The following MUC4 variants were observed in gnomAD, a reference collection of about 807,000 sequenced individuals.
MUC4 encodes the protein mucin 4, cell surface associated.
MUC4 carries 202 observed loss-of-function variants against 257.9 expected under a neutral mutation model. That is an observed-to-expected ratio of 0.78 (90% CI 0.70 to 0.88). The LOEUF (loss-of-function observed/expected upper bound fraction) is 0.88, where lower values mean the gene tolerates loss of function less well. Ranked by LOEUF, MUC4 falls within the 40% of genes least tolerant of loss-of-function variation. The probability of loss-of-function intolerance (pLI) is 0.00; values close to 1 mark genes in which losing one functional copy is unlikely to be tolerated. For synonymous variants in MUC4, 2,351 were observed against 2,757.1 expected (o/e 0.85, Z 4.62); for missense variants, 5,976 against 6,513.7 (o/e 0.92, Z 2.84).
rs562617592 is a variant in MUC4, at chr3:195,785,540, C to T, written c.6040G>A (p.Ala2014Thr). 6.7e-7 allele frequency: 1 copy of T among 1,503,134 alleles called. No individual in the cohort carries two copies. The highest frequency in any genetic ancestry group is 8.9e-7 in the Non-Finnish European group (1 of 1,125,474). The allele number at this position is 1,503,134 out of a possible 1,614,324, so 93.1% of individuals were successfully genotyped here. A position where few individuals can be genotyped will look rare whatever the true frequency, so the allele number is the denominator to read the frequency against. Residue 2014 changes from alanine to threonine, a missense_variant, in exon 2 of 25, where the codon GCC becomes ACC. This residue lies in a region of MUC4 where 51 missense variants were observed against 45.1 expected (regional missense o/e 1.13). Transcript: ENST00000463781. ...AGGCTGGTGACAGGAAGAGGGGTGGCCTGTCCTGTAGATACTGAGGAAGTG... is the reference window on the plus strand; with the variant it reads ...AGGCTGGTGACAGGAAGAGGGGTGGTCTGTCCTGTAGATACTGAGGAAGTG... ...TDTSSVSTGQATPLPVTSLSS... is the reference protein window; with the variant it reads ...TDTSSVSTGQTTPLPVTSLSS...
At chr3:195,793,604 A>T (rs984565435) in intron 1 of MUC4, among the ~76,000 whole-genome samples, 1 of 152,184 alleles carries the variant, frequency 6.6e-6, no homozygotes, top group Admixed American at 6.5e-5. Flanking sequence ...ATCGCCTAGA[A>T]AAAGCACAGT....
rs779425004 is a variant in MUC4 at position 195,763,540 on chromosome 3, A to C, written c.14146T>G (p.Ser4716Ala). Residue 4716 changes from serine (S) to alanine (A), a missense_variant, in exon 12 of 25, where the codon TCC (serine) becomes GCC (alanine). Ser to Ala is a moderately conservative substitution (Grantham distance 99). This residue lies in a region of MUC4 where 996 missense variants were observed against 1,137.3 expected (regional missense o/e 0.88). Transcript: ENST00000463781. ...GTGCGGCCCTGAAGCAGGAAGGAGGAGTTCCCGTCTTGGGCCCCGACCAGC... is the reference window on the plus strand; with the variant it reads ...GTGCGGCCCTGAAGCAGGAAGGAGGCGTTCCCGTCTTGGGCCCCGACCAGC... Reference protein sequence around the residue: ...FLLVGAQDGNSSFLLQGRTAQ... With the variant: ...FLLVGAQDGNASFLLQGRTAQ... 47 of 1,585,072 alleles carry C rather than the reference A, an allele frequency of 3.0e-5. No homozygotes were observed. The highest frequency in any genetic ancestry group is 1.7e-4 in the Middle Eastern group (1 of 6,038).
chr3:195,770,227 A>G lies in MUC4; in HGVS notation c.13387T>C (p.Trp4463Arg). ...WVNAHAYPAQ[W>R]TLGSNTYQAI... The stretch of plus-strand genomic sequence containing the variant: ...AGGGGTCTACTCACCCCGAGGGTCC[A>G]CTGGGCAGGATAGGCGTGGGCATTG... The change falls in exon 6 of 25, where the codon TGG (tryptophan) becomes CGG (arginine). Residue 4463 changes from tryptophan to arginine, a missense_variant. By Grantham distance (101) the Trp-to-Arg change is moderately radical. Around this residue, in one of 44 missense-constraint regions of MUC4, gnomAD observed 996 missense variants for 1,137.3 expected, o/e 0.88. Coordinates refer to ENST00000463781, the MANE Select transcript of MUC4 (RefSeq NM_018406.7). 1 of 1,609,060 alleles carries G rather than the reference A, an allele frequency of 6.2e-7. No homozygotes were observed. The highest frequency in any genetic ancestry group is 8.5e-7 in the Non-Finnish European group (1 of 1,178,136).
At chr3:195,799,107 C>T (rs1250869308) in intron 1 of MUC4, among the ~76,000 whole-genome samples, 1 of 152,152 alleles carries the variant, frequency 6.6e-6, no homozygotes, top group East Asian at 1.9e-4. Flanking sequence ...CCACCATACC[C>T]ACCTCTCTGT....
At position 195,791,085 on chromosome 3, in the gene MUC4, C is replaced by T. The variant is rs369238351; in HGVS notation, c.495G>A (p.Val165=). ...STAGTESSTP[V]TSAVSITAGQ... Reference sequence around the variant, plus strand: ...CAGCTGTTATTGAGACTGCTGAGGTCACTGGGGTAGAACTTTCAGTTCCTG... The same window carrying T: ...CAGCTGTTATTGAGACTGCTGAGGTTACTGGGGTAGAACTTTCAGTTCCTG... Residue 165 remains valine, a synonymous_variant, in exon 2 of 25, where the codon GTG becomes GTA. Transcript: ENST00000463781. The T allele has an allele frequency of 3.1e-6, 5 of 1,613,202 alleles. No individual in the cohort carries two copies. The highest frequency in any genetic ancestry group is 3.4e-6 in the Non-Finnish European group (4 of 1,179,806).
At position 195,762,138 on chromosome 3, in the gene MUC4, C is replaced by A. The variant is rs2246901; in HGVS notation, c.14461G>T (p.Ala4821Ser). ...TACTCGGGCGGGAGGCTGGCGGAGGCGTGGAGGATGTTGGAGAGCGCGATC... is the reference window on the plus strand; with the variant it reads ...TACTCGGGCGGGAGGCTGGCGGAGGAGTGGAGGATGTTGGAGAGCGCGATC... ...SVIALSNILH[A>S]SASLPPEYQN... The change falls in exon 14 of 25, where the codon GCC (alanine) becomes TCC (serine). Residue 4821 changes from alanine (A) to serine (S), a missense_variant. Coordinates refer to ENST00000463781, the MANE Select transcript of MUC4 (RefSeq NM_018406.7). 0.69 allele frequency: 1,113,553 copies of A among 1,605,570 alleles called. 390,638 individuals carry two copies. Among genetic ancestry groups the A allele is most frequent in the East Asian group, 0.81 (36,298 of 44,544 alleles).
rs1715780404 is a variant in MUC4, at chr3:195,749,041, A to G, written c.15895T>C (p.Tyr5299His). The change falls in exon 24 of 25, where the codon TAC becomes CAC. Residue 5299 changes from tyrosine (Y) to histidine (H), a missense_variant. Coordinates refer to ENST00000463781, the MANE Select transcript of MUC4 (RefSeq NM_018406.7). ...TALNVSTLKA[Y>H]FRCDGYKGYD... is the part of the protein sequence containing the mutation. ...CCCTTGTAGCCATCGCATCTGAAGT[A>G]AGCCTTCAGCGTGCTCACGTTCACT... 3 of 1,606,744 alleles carry G rather than the reference A, an allele frequency of 1.9e-6. No homozygotes were observed. In the East Asian group the frequency reaches 6.7e-5, roughly 36 times the overall value.
At chr3:195,767,576 C>CCACCACCATCACCACCACCACCAT (rs1721154713) in intron 7 of MUC4, among the ~76,000 whole-genome samples, 1 of 45,628 alleles carries the variant, frequency 2.2e-5, no homozygotes, top group Non-Finnish European at 4.9e-5. Context: ...ACCACCATCA[C>CCACCACCATCACCACCACCACCAT]CACCACCATC....
In MUC4 at chr3:195,754,242, T is replaced by A. The variant is rs1717063943; in HGVS notation, c.15299A>T (p.Asn5100Ile). 1.2e-6 allele frequency: 2 copies of A among 1,613,694 alleles called. No individual in the cohort carries two copies. The highest frequency in any genetic ancestry group is 1.7e-6 in the Non-Finnish European group (2 of 1,179,880). ...ACAGTGCCGCCCATCCCCAGTCAGG[T>A]TTGGAGGGCAGGCCTCGCAGCCCTT... The part of the protein sequence containing the change: ...PGKGCEACPP[N>I]LTGDGRHCAA... Residue 5100 changes from asparagine to isoleucine, a missense_variant, in exon 19 of 25, where the codon AAC becomes ATC. Physicochemically the swap from Asn to Ile is moderately radical, Grantham distance 149. This residue lies in a region of MUC4 where 996 missense variants were observed against 1,137.3 expected (regional missense o/e 0.88). Transcript: ENST00000463781.
At chr3:195,776,832 C>T (rs1578164254) in intron 3 of MUC4, among the ~76,000 whole-genome samples, 2 of 94,072 alleles carry the variant, frequency 2.1e-5, no homozygotes, top group African/African-American at 3.9e-5. Context: ...ATACCTTCCA[C>T]AGTCATACCT....
At position 195,810,528 on chromosome 3, in the gene MUC4, C is replaced by T. The variant is rs987004337; in HGVS notation, c.82+1208G>A. Among the ~76,000 whole-genome samples the T allele has an allele frequency of 2.0e-5, 3 of 152,248 alleles. No homozygotes were observed. Among genetic ancestry groups the T allele is most frequent in the East Asian group, 1.9e-4 (1 of 5,184 alleles). The stretch of plus-strand genomic sequence containing the variant: ...CACAGGCCTGGCATCCCTCCCCTCC[C>T]AGCTCTGTACACGGAGGAGCCCAAG... On this transcript the variant is annotated intron_variant, in intron 1 of 24. Coordinates refer to ENST00000463781, the MANE Select transcript of MUC4 (RefSeq NM_018406.7). The surrounding 1 kb of genome is among the most constrained non-coding windows in gnomAD (Gnocchi z 4.2).
At chr3:195,767,651 CCACCACCACCACCAT>C (rs1282515678) in intron 7 of MUC4, among the ~76,000 whole-genome samples, 3 of 93,860 alleles carry the variant, frequency 3.2e-5, no homozygotes, top group African/African-American at 1.5e-4. Context: ...ATCGCCACCA[CCACCACCACCACCAT>C]CACCATCACC....
In MUC4 at chr3:195,778,376, G is replaced by T. The variant is rs76650792; in HGVS notation, c.12870C>A (p.Ile4290=). ...TSPPPTTSQT[I]ISTIPSTAMH... is the part of the protein sequence containing the mutation. ...TGGCAGTGCTGGGAATGGTGGAAAT[G>T]ATGGTCTGGGAGGTTGTGGGGGGTG... Residue 4290 remains isoleucine (I), a synonymous_variant, in exon 3 of 25, where the codon ATC becomes ATA. Transcript: ENST00000463781. 0.04 allele frequency: 63,871 copies of T among 1,613,184 alleles called. 1,488 individuals are homozygous for T. Among genetic ancestry groups the T allele is most frequent in the Middle Eastern group, 0.051 (298 of 5,900 alleles).
In MUC4 at chr3:195,781,027, G is replaced by C; in HGVS notation, c.10553C>G (p.Ala3518Gly). Reference sequence around the variant, plus strand: ...AGTGTCGGTGACAGGAAGAGGGGTGGCGTGACCGGTGGATGCTGAGGAAGC... The same window carrying C: ...AGTGTCGGTGACAGGAAGAGGGGTGCCGTGACCGGTGGATGCTGAGGAAGC... ...TGASSASTGH[A>G]TPLPVTDTSS... The change falls in exon 2 of 25, where the codon GCC becomes GGC. Residue 3518 changes from alanine to glycine, a missense_variant. Transcript: ENST00000463781. 4 of 1,522,694 alleles carry C rather than the reference G, an allele frequency of 2.6e-6. No homozygotes were observed. Among genetic ancestry groups the C allele is most frequent in the African/African-American group, 1.5e-5 (1 of 66,230 alleles). The allele number at this position is 1,522,694 out of a possible 1,614,324, so 94.3% of individuals were successfully genotyped here. A position where few individuals can be genotyped will look rare whatever the true frequency, so the allele number is the denominator to read the frequency against.
chr3:195,781,099 G>T lies in MUC4; in HGVS notation c.10481C>A (p.Pro3494His), dbSNP rs201000518. The change falls in exon 2 of 25, where the codon CCT (proline) becomes CAT (histidine). Residue 3494 changes from proline (P) to histidine (H), a missense_variant. Physicochemically the swap from Pro to His is moderately conservative, Grantham distance 77 (BLOSUM62 -2). Transcript: ENST00000463781. ...GHTTPLHVTI[P>H]SSASTGDTST... ...GGTGTCACCTGTGGATGCTGAGGAA[G>T]GGATGGTGACATGAAGAGGGGTGGT... 4.1e-6 allele frequency: 6 copies of T among 1,471,636 alleles called. 2 individuals carry two copies. The highest frequency in any genetic ancestry group is 2.6e-5 in the East Asian group (1 of 38,912). 91.2% of individuals were successfully genotyped at this position (1,471,636 alleles called of 1,614,324 possible). A position where few individuals can be genotyped will look rare whatever the true frequency, so the allele number is the denominator to read the frequency against.
In MUC4 at chr3:195,765,412, T is replaced by C. The variant is rs771963259; in HGVS notation, c.13656A>G (p.Glu4552=). 6 of 1,613,556 alleles carry C rather than the reference T, an allele frequency of 3.7e-6. No homozygotes were observed. The Admixed American group carries it at 8.3e-5, about 22-fold the overall frequency. ...ACTCGAGACGGTAGTTGGGCCTTTC[T>C]TCCCGGTGTAGCCTGTAGAACTGCA... The part of the protein sequence containing the change: ...QGLQFYRLHR[E]ERPNYRLECL... Residue 4552 remains glutamate (E), a synonymous_variant, in exon 9 of 25, where the codon GAA becomes GAG. Transcript: ENST00000463781.
In MUC4 at chr3:195,780,529, G is replaced by GC; in HGVS notation, c.11050_11051insG (p.Thr3684SerfsTer106). 2.5e-6 allele frequency: 2 copies of GC among 784,972 alleles called. No individual in the cohort carries two copies. Among genetic ancestry groups the GC allele is most frequent in the South Asian group, 2.2e-5 (1 of 45,960 alleles). The allele number at this position is 784,972 out of a possible 1,614,324, so 48.6% of individuals were successfully genotyped here. A position where few individuals can be genotyped will look rare whatever the true frequency, so the allele number is the denominator to read the frequency against. ...ACCTGTGGATGCTGAGGAAGTGTCC[G>GC]TGACAGGAAGACGGGTGGTGTCACC... On this transcript the variant is annotated frameshift_variant, in exon 2 of 25. Transcript: ENST00000463781. LOFTEE classifies it high-confidence loss of function.
chr3:195,759,338 C>G (rs1006926985), intron 16 of MUC4, 77 bp from the exon 17 acceptor site: 4 of 1,558,886 alleles, frequency 2.6e-6, no homozygotes, highest in Non-Finnish European at 1.7e-6. Flanking sequence ...TTTCTCAACT[C>G]TAATATGTGT....
chr3:195,789,487 G>A lies in MUC4; in HGVS notation c.2093C>T (p.Ala698Val). 6.2e-7 allele frequency: 1 copy of A among 1,613,978 alleles called. No homozygotes were observed. Among genetic ancestry groups the A allele is most frequent in the African/African-American group, 1.3e-5 (1 of 75,020 alleles). ...TISAATTFAP[A>V]PTGDGHTTQA... ...GGTTGTGTGACCATCCCCGGTGGGAGCTGGGGCAAAGGTTGTTGCTGCACT... is the reference window on the plus strand; with the variant it reads ...GGTTGTGTGACCATCCCCGGTGGGAACTGGGGCAAAGGTTGTTGCTGCACT... The change falls in exon 2 of 25, where the codon GCT (alanine) becomes GTT (valine). Residue 698 changes from alanine (A) to valine (V), a missense_variant. Around this residue, in one of 44 missense-constraint regions of MUC4, gnomAD observed 1,583 missense variants for 1,257.4 expected, o/e 1.26. Transcript: ENST00000463781.
Sources: gnomAD v4.1 joint callset for allele counts (sites outside exome capture counted in the v4.1 genomes callset) on GRCh38, gnomAD v4.1.1 for gene constraint, gnomAD v4.1.1 regional missense constraint, Gnocchi (gnomAD v3.1) non-coding constraint, MANE v1.5 for transcripts, NCBI Gene and HGNC (gene_info 2026-07-23, HGNC 2026-07-21) for gene names.